Variants in ZNRF2 observed in about 807,000 individuals in gnomAD.
The protein encoded by ZNRF2 is E3 ubiquitin-protein ligase ZNRF2.
A neutral mutation model predicts 20.4 loss-of-function variants in ZNRF2; 16 were observed. That is an observed-to-expected ratio of 0.79 (90% CI 0.53 to 1.19). ZNRF2 has a LOEUF of 1.19. ZNRF2 is among the 50% of genes most tolerant of loss of function. The pLI is 0.00. For missense variants in ZNRF2, 363 were observed against 332.4 expected, an observed-to-expected ratio of 1.09 and a Z score of -0.72; for synonymous variants, 178 against 144.9, an observed-to-expected ratio of 1.23 and a Z score of -1.64.
At chr7:30,293,301 T>C (rs1226378440) in intron 1 of ZNRF2, among the ~76,000 whole-genome samples, 7 of 150,936 alleles carry the variant, frequency 4.6e-5, no homozygotes, top group African/African-American at 1.7e-4. Context: ...CAGGCTACAG[T>C]GCAGTAGTGC....
intron 2 of ZNRF2, among the ~76,000 whole-genome samples, chr7:30,349,319 A>G (rs1315132549): frequency 6.6e-6 from 1 of 152,094 alleles, no homozygotes; most frequent in Non-Finnish European, 1.5e-5. Context: ...ATTATCTCCT[A>G]AGATCTTCAC....
chr7:30,339,663 G>A (rs1799766479), intron 2 of ZNRF2, among the ~76,000 whole-genome samples: 1 of 152,126 alleles, frequency 6.6e-6, no homozygotes, highest in Non-Finnish European at 1.5e-5. Flanking sequence ...TTTGGTTACT[G>A]TAGCCTCATA....
chr7:30,317,927 C>A (rs1242440160), intron 1 of ZNRF2, among the ~76,000 whole-genome samples: 1 of 152,172 alleles, frequency 6.6e-6, no homozygotes, highest in East Asian at 1.9e-4. Context: ...GTAAAAATCT[C>A]CTGAACCCAT....
At position 30,316,884 on chromosome 7, in the gene ZNRF2, C is replaced by T. The variant is rs149819864; in HGVS notation, c.470-6758C>T. Among the ~76,000 whole-genome samples the T allele has an allele frequency of 1.8e-3, 279 of 152,302 alleles. 2 individuals are homozygous for T. The highest frequency in any genetic ancestry group is 6.3e-3 in the African/African-American group (263 of 41,554). ...GTATTTGCCAGACTCAGAACAGATC[C>T]TACCAGTAAATGAGATAAGTTCATC... On this transcript the variant is annotated intron_variant, in intron 1 of 4. Coordinates refer to ENST00000323037, the MANE Select transcript of ZNRF2 (RefSeq NM_147128.4).
rs79419710 is a variant in ZNRF2, at chr7:30,316,752, C to T, written c.470-6890C>T. 6.6e-3 allele frequency among the ~76,000 whole-genome samples: 1,011 copies of T among 152,054 alleles called. 16 individuals are homozygous for T. Among genetic ancestry groups the T allele is most frequent in the African/African-American group, 0.023 (972 of 41,454 alleles). On this transcript the variant is annotated intron_variant, in intron 1 of 4. Coordinates refer to ENST00000323037, the MANE Select transcript of ZNRF2 (RefSeq NM_147128.4). ...GCAGAAAGTTTACCTATTAGAAAAC[C>T]GTGATAATTTAGAGAGAAGTTAGGT... is the stretch of plus-strand genomic sequence containing the variant.
intron 1 of ZNRF2, among the ~76,000 whole-genome samples, chr7:30,303,588 A>G (rs1038498455): frequency 6.6e-6 from 1 of 152,236 alleles, no homozygotes; most frequent in African/African-American, 2.4e-5. Flanking sequence ...AGACTATGAT[A>G]AACTGTGATG....
At chr7:30,295,860 C>G (rs1325298815) in intron 1 of ZNRF2, among the ~76,000 whole-genome samples, 1 of 152,182 alleles carries the variant, frequency 6.6e-6, no homozygotes, top group Non-Finnish European at 1.5e-5. Context: ...CCAGTCTCAC[C>G]CTCCTCAGAA....
At position 30,295,050 on chromosome 7, in the gene ZNRF2, AGTGTGTGTGT is replaced by A. The variant is rs71536219; in HGVS notation, c.469+9266_469+9275del. ...GAGAGAGAGAGAGAGAGAGAGAGAGAGTGTGTGTGTGTGTGTGTGTGTGTGTGTGTGTGTG... is the reference window on the plus strand; with the variant it reads ...GAGAGAGAGAGAGAGAGAGAGAGAGAGTGTGTGTGTGTGTGTGTGTGTGTG... On this transcript the variant is annotated intron_variant, in intron 1 of 4. Transcript: ENST00000323037. Among the ~76,000 whole-genome samples, 171 of 38,194 alleles carry A rather than the reference AGTGTGTGTGT, an allele frequency of 4.5e-3. 1 individual carries two copies. The highest frequency in any genetic ancestry group is 0.021 in the East Asian group (20 of 974). The allele number at this position is 38,194 out of a possible 152,430, so 25.1% of individuals were successfully genotyped here. A position where few individuals can be genotyped will look rare whatever the true frequency, so the allele number is the denominator to read the frequency against.
intron 2 of ZNRF2, among the ~76,000 whole-genome samples, chr7:30,343,524 T>A (rs570196024): frequency 6.6e-6 from 1 of 152,344 alleles, no homozygotes; most frequent in East Asian, 1.9e-4. Flanking sequence ...GTTGCTGCTG[T>A]TATATGGGTA....
intron 1 of ZNRF2, among the ~76,000 whole-genome samples, chr7:30,293,698 TA>T (rs1366946144): frequency 6.6e-6 from 1 of 152,262 alleles, no homozygotes; most frequent in African/African-American, 2.4e-5. Flanking sequence ...TTTTAACCCA[TA>T]AAAACTTGTG....
In ZNRF2 at chr7:30,355,606, C is replaced by T. The variant is rs982237424; in HGVS notation, c.566-122C>T. The T allele has an allele frequency of 9.2e-6, 6 of 654,858 alleles. No individual in the cohort carries two copies. The African/African-American group carries it at 1.1e-4, about 12-fold the overall frequency. The allele number at this position is 654,858 out of a possible 1,614,324, so 40.6% of individuals were successfully genotyped here. On this transcript the variant is annotated intron_variant, in intron 2 of 4. Transcript: ENST00000323037. ...TACACGTGCTGAGTTTTATGTATTT[C>T]TGGCGAAAAGATATGCCAAGTAAGG...
chr7:30,365,147 CTTTTTT>C (rs533354831), intron 4 of ZNRF2, among the ~76,000 whole-genome samples: 1 of 70,330 alleles, frequency 1.4e-5, no homozygotes, highest in Non-Finnish European at 2.7e-5. Flanking sequence ...AGCTGATAAG[CTTTTTT>C]TTTTTTTTTT....
intron 2 of ZNRF2, among the ~76,000 whole-genome samples, chr7:30,343,682 T>C (rs1241747679): frequency 6.9e-6 from 1 of 144,576 alleles, no homozygotes; most frequent in Admixed American, 6.8e-5. Context: ...ATTTGCCTGA[T>C]AAGTTTTTTT....
intron 4 of ZNRF2, among the ~76,000 whole-genome samples, chr7:30,364,263 G>A (rs566781600): frequency 2.0e-5 from 3 of 152,298 alleles, no homozygotes; most frequent in South Asian, 2.1e-4. Context: ...ATAAGACTAC[G>A]CATGTGCATG....
intron 2 of ZNRF2, among the ~76,000 whole-genome samples, chr7:30,349,313 T>A (rs1407557413): frequency 6.6e-6 from 1 of 152,170 alleles, no homozygotes; most frequent in Non-Finnish European, 1.5e-5. Flanking sequence ...ATTTGCATTA[T>A]CTCCTAAGAT....
chr7:30,342,587 A>T (rs58775808), intron 2 of ZNRF2, among the ~76,000 whole-genome samples: 5,522 of 152,162 alleles, frequency 0.036, 318 homozygotes, highest in African/African-American at 0.11. Context: ...CTGCAGAGAG[A>T]TCCATTGTTA....
chr7:30,308,016 A>G (rs1358879134), intron 1 of ZNRF2, among the ~76,000 whole-genome samples: 1 of 152,212 alleles, frequency 6.6e-6, no homozygotes, highest in African/African-American at 2.4e-5. Context: ...CCAACACTCC[A>G]GAAATCCTCC....
At chr7:30,322,817 GT>G (rs1342477170) in intron 1 of ZNRF2, among the ~76,000 whole-genome samples, 3 of 152,300 alleles carry the variant, frequency 2.0e-5, no homozygotes, top group South Asian at 2.1e-4. Flanking sequence ...GGGGAACATG[GT>G]ATATCTGAGG....
In ZNRF2 at chr7:30,326,922, C is replaced by T. The variant is rs538264332; in HGVS notation, c.565+3185C>T. On this transcript the variant is annotated intron_variant, in intron 2 of 4. Transcript: ENST00000323037. ...CTTTTTTTCATATGATTCTTGGCCACATTTATGTCTTCTTTTGAAAAGTGT... is the reference window on the plus strand; with the variant it reads ...CTTTTTTTCATATGATTCTTGGCCATATTTATGTCTTCTTTTGAAAAGTGT... 3.3e-5 allele frequency among the ~76,000 whole-genome samples: 5 copies of T among 152,116 alleles called. No homozygotes were observed. The East Asian group carries it at 7.7e-4, about 23-fold the overall frequency.
Sources: gnomAD v4.1 joint callset for allele counts (sites outside exome capture counted in the v4.1 genomes callset) on GRCh38, gnomAD v4.1.1 for gene constraint, MANE v1.5 for transcripts, NCBI Gene and HGNC (gene_info 2026-07-23, HGNC 2026-07-21) for gene names.